EFHC2: variants seen among roughly 807,000 people sequenced by gnomAD.
EFHC2 encodes EF-hand domain-containing family member C2.
Under a neutral mutation model 52.7 loss-of-function variants are expected in EFHC2, and 18 were observed. That is an observed-to-expected ratio of 0.34 (90% confidence interval 0.24 to 0.51). The LOEUF is 0.51. Among genes scored for constraint, EFHC2 ranks in the 20% least tolerant of loss-of-function variants. The pLI is 0.97. For synonymous variants in EFHC2, 203 were observed against 204.1 expected, an observed-to-expected ratio of 0.99 and a Z score of 0.04; for missense variants, 513 against 562.5, an observed-to-expected ratio of 0.91 and a Z score of 0.89.
chrX:44,209,460 T>C (rs1027579915), intron 11 of EFHC2, among the ~76,000 whole-genome samples: 4 of 110,962 alleles, frequency 3.6e-5, no homozygotes, highest in African/African-American at 1.3e-4. Flanking sequence ...CCAGAACTAA[T>C]AAATGAGTTT....
intron 2 of EFHC2, among the ~76,000 whole-genome samples, chrX:44,296,883 A>C (rs1349408193): frequency 8.9e-6 from 1 of 111,907 alleles, no homozygotes; most frequent in Non-Finnish European, 1.9e-5. Flanking sequence ...TTTAGAACTC[A>C]CTGGGCTCAG....
At chrX:44,277,947 C>A (rs1231011406) in intron 2 of EFHC2, among the ~76,000 whole-genome samples, 1 of 110,709 alleles carries the variant, frequency 9.0e-6, no homozygotes, top group African/African-American at 3.3e-5. Flanking sequence ...AGGATATAGG[C>A]AAATTTGCAA....
chrX:44,312,469 C>A, intron 2 of EFHC2, 99 bp downstream of exon 2: 1 of 629,721 alleles, frequency 1.6e-6, no homozygotes, highest in Non-Finnish European at 2.2e-6. Flanking sequence ...AAGAACTAGC[C>A]TTAACATTTA....
intron 2 of EFHC2, among the ~76,000 whole-genome samples, chrX:44,291,425 C>T (rs1323386637): frequency 8.9e-6 from 1 of 111,784 alleles, no homozygotes; most frequent in Non-Finnish European, 1.9e-5. Context: ...TTTTGTATTA[C>T]AAAAATATCA....
Position 44,180,064 on chromosome X carries a change from T to C in EFHC2, c.1752-1500A>G, listed in dbSNP as rs1379244331. ...GCCTAATGTCACAAAAGCCAGAATG[T>C]GAACCCGTGTAGTCTGGCTCTAAAG... is the stretch of plus-strand genomic sequence containing the variant. On this transcript the variant is annotated intron_variant, in intron 11 of 14. Coordinates refer to ENST00000420999, the MANE Select transcript of EFHC2 (RefSeq NM_025184.4). Among the ~76,000 whole-genome samples the C allele has an allele frequency of 2.7e-5, 3 of 111,747 alleles. No individual in the cohort carries two copies. The Admixed American group carries it at 2.9e-4, about 11-fold the overall frequency.
chrX:44,294,672 C>A (rs760251376), intron 2 of EFHC2, among the ~76,000 whole-genome samples: 1 of 111,675 alleles, frequency 9.0e-6, no homozygotes, highest in African/African-American at 3.3e-5. Flanking sequence ...GGATACAACA[C>A]TCAATAAGAC....
Position 44,178,494 on chromosome X carries a change from G to C in EFHC2, c.1822C>G (p.Arg608Gly), listed in dbSNP as rs772482350. 1.7e-6 allele frequency: 2 copies of C among 1,206,375 alleles called. No homozygotes were observed. Among genetic ancestry groups the C allele is most frequent in the African/African-American group, 3.5e-5 (2 of 57,745 alleles). ...TCTGAACATGTGCCCTCAGGCACACGGTAGTGACGTGCAATGGTTACAAAT... is the reference window on the plus strand; with the variant it reads ...TCTGAACATGTGCCCTCAGGCACACCGTAGTGACGTGCAATGGTTACAAAT... ...QEFVTIARHY[R>G]VPEGTCSDMD... Residue 608 changes from arginine to glycine, a missense_variant, in exon 12 of 15, where the codon CGT (arginine) becomes GGT (glycine). Transcript: ENST00000420999.
At chrX:44,174,659 G>GT (rs2036772204) in intron 13 of EFHC2, among the ~76,000 whole-genome samples, 1 of 99,537 alleles carries the variant, frequency 1.0e-5, no homozygotes, top group African/African-American at 3.7e-5. Context: ...AAAGGGGGGG[G>GT]GAGGGGGAAG....
intron 2 of EFHC2, among the ~76,000 whole-genome samples, chrX:44,300,127 CG>C (rs1556021922): frequency 9.2e-6 from 1 of 108,926 alleles, no homozygotes; most frequent in Non-Finnish European, 1.9e-5. Context: ...GGTTTGAACT[CG>C]GGGGGGAAGA....
chrX:44,204,087 C>A (rs761907064), intron 11 of EFHC2, among the ~76,000 whole-genome samples: 4 of 111,323 alleles, frequency 3.6e-5, no homozygotes, highest in Admixed American at 2.9e-4. Context: ...AACCTATCTG[C>A]AACCAAGGAA....
chrX:44,317,772 C>T (rs951501334), intron 1 of EFHC2, among the ~76,000 whole-genome samples: 6 of 113,146 alleles, frequency 5.3e-5, no homozygotes, highest in East Asian at 2.8e-4. Flanking sequence ...CCAGCCTAAG[C>T]GACGGAGACC....
At chrX:44,316,460 T>C (rs755381876) in intron 1 of EFHC2, among the ~76,000 whole-genome samples, 2 of 112,116 alleles carry the variant, frequency 1.8e-5, no homozygotes, top group Non-Finnish European at 3.8e-5. Flanking sequence ...GTTTCATACA[T>C]GTGGCACCAA....
Position 44,176,343 on chromosome X carries a change from T to A in EFHC2, c.1991A>T (p.Lys664Ile), listed in dbSNP as rs754149543. Residue 664 changes from lysine to isoleucine, a missense_variant, in exon 13 of 15, where the codon AAA (lysine) becomes ATA (isoleucine). Lys to Ile is a moderately radical substitution (Grantham distance 102). Coordinates refer to ENST00000420999, the MANE Select transcript of EFHC2 (RefSeq NM_025184.4). ...ATCACTCAAAGGTAATCTGGAGGAT[T>A]TGCACAGCCTTTTAATGTCTTTGGT... ...LPTKDIKRLCKSSRLPLSDDL... is the reference protein window; with the variant it reads ...LPTKDIKRLCISSRLPLSDDL... The A allele has an allele frequency of 5.8e-5, 69 of 1,197,489 alleles. No individual in the cohort carries two copies. The South Asian group carries it at 1.3e-3, about 22-fold the overall frequency.
At chrX:44,195,418 G>T (rs1468599207) in intron 11 of EFHC2, among the ~76,000 whole-genome samples, 1 of 103,305 alleles carries the variant, frequency 9.7e-6, no homozygotes, top group South Asian at 4.3e-4. Flanking sequence ...TGTGTGTGTG[G>T]TTTTTTTTGT....
chrX:44,176,326 A>C lies in EFHC2; in HGVS notation c.2008T>G (p.Leu670Val). ...AAGGATTCTAGAAGATCATCACTCA[A>C]AGGTAATCTGGAGGATTTGCACAGC... ...KRLCKSSRLP[L>V]SDDLLESLLS... Residue 670 changes from leucine (L) to valine (V), a missense_variant, in exon 13 of 15, where the codon TTG (leucine) becomes GTG (valine). By Grantham distance (32) the Leu-to-Val change is conservative. Transcript: ENST00000420999. 8 of 1,202,023 alleles carry C rather than the reference A, an allele frequency of 6.7e-6. No individual in the cohort carries two copies. The highest frequency in any genetic ancestry group is 9.0e-6 in the Non-Finnish European group (8 of 891,224).
chrX:44,253,838 C>T (rs750873280), intron 4 of EFHC2, among the ~76,000 whole-genome samples: 1 of 112,279 alleles, frequency 8.9e-6, no homozygotes, highest in Non-Finnish European at 1.9e-5. Context: ...AGACACCTCC[C>T]AGCAGGGGTT....
intron 14 of EFHC2, among the ~76,000 whole-genome samples, chrX:44,160,138 C>T (rs768707142): frequency 9.0e-6 from 1 of 111,710 alleles, no homozygotes; most frequent in South Asian, 3.8e-4. Flanking sequence ...ATCTGAGGTC[C>T]ACAGCTCGAT....
intron 1 of EFHC2, among the ~76,000 whole-genome samples, chrX:44,337,072 C>T (rs752028274): frequency 3.6e-5 from 4 of 111,770 alleles, no homozygotes; most frequent in African/African-American, 9.7e-5. Flanking sequence ...GCATTAATTA[C>T]GAGTTTACAA....
intron 4 of EFHC2, among the ~76,000 whole-genome samples, chrX:44,251,449 A>T (rs1318426302): frequency 2.0e-5 from 2 of 100,751 alleles, no homozygotes; most frequent in African/African-American, 7.2e-5. Context: ...AATGCAAAAA[A>T]GTTTAGCCAG....
Sources: gnomAD v4.1 joint callset for allele counts (sites outside exome capture counted in the v4.1 genomes callset) on GRCh38, gnomAD v4.1.1 for gene constraint, MANE v1.5 for transcripts, NCBI Gene and HGNC (gene_info 2026-07-23, HGNC 2026-07-21) for gene names.